The following TENT2 variants were observed in gnomAD, a reference collection of about 807,000 sequenced individuals.
TENT2 encodes terminal nucleotidyltransferase 2, also known as poly(A) RNA polymerase GLD2.
TENT2 carries 44 observed loss-of-function variants against 72.2 expected under a neutral mutation model. That is an observed-to-expected ratio of 0.61 (90% CI 0.48 to 0.78). The LOEUF is 0.78. TENT2 is among the 30% of genes least tolerant of loss of function. TENT2 has a pLI of 0.00. For missense variants in TENT2, 541 were observed against 569.6 expected (o/e 0.95, Z 0.51); for synonymous variants, 212 against 192.5 (o/e 1.10, Z -0.84).
At chr5:79,646,251 A>T (rs1189273598) in intron 8 of TENT2, among the ~76,000 whole-genome samples, 3 of 152,182 alleles carry the variant, frequency 2.0e-5, no homozygotes, top group Admixed American at 2.0e-4. Flanking sequence ...TCGCTCAGGC[A>T]TGAGTTATAG....
chr5:79,627,168 T>C (rs1770992745), intron 4 of TENT2, among the ~76,000 whole-genome samples: 1 of 152,008 alleles, frequency 6.6e-6, no homozygotes, highest in East Asian at 1.9e-4. Flanking sequence ...TTTTAAGGTA[T>C]GTATGCTGGT....
chr5:79,631,521 C>T (rs1272492470), intron 4 of TENT2, among the ~76,000 whole-genome samples: 2 of 152,162 alleles, frequency 1.3e-5, no homozygotes, highest in Non-Finnish European at 2.9e-5. Flanking sequence ...CATCAGCATA[C>T]AGATGGTAAT....
intron 11 of TENT2, among the ~76,000 whole-genome samples, chr5:79,667,454 T>A (rs1178073629): frequency 6.6e-6 from 1 of 152,196 alleles, no homozygotes; most frequent in Non-Finnish European, 1.5e-5. Flanking sequence ...CTGCATCTAT[T>A]CTTCCTTCTG....
chr5:79,624,645 T>C (rs536430945), intron 4 of TENT2, among the ~76,000 whole-genome samples: 1 of 152,336 alleles, frequency 6.6e-6, no homozygotes, highest in African/African-American at 2.4e-5. Context: ...TTTATATAAA[T>C]GAAATCATTC....
At chr5:79,680,198 G>T (rs1159069063) in intron 13 of TENT2, among the ~76,000 whole-genome samples, 3 of 152,154 alleles carry the variant, frequency 2.0e-5, no homozygotes, top group Non-Finnish European at 4.4e-5. Flanking sequence ...ATGCTAAATT[G>T]AAGGCCTTTG....
chr5:79,662,713 A>G (rs1804028131), intron 11 of TENT2, among the ~76,000 whole-genome samples: 2 of 152,158 alleles, frequency 1.3e-5, no homozygotes. Context: ...TTTTCCATTT[A>G]TAGAGCACTG....
rs2151042886 is a variant in TENT2 at position 79,685,513 on chromosome 5, T to G, written c.*240T>G. On this transcript the variant is annotated 3_prime_UTR_variant, in exon 15 of 15. Coordinates refer to ENST00000453514, the MANE Select transcript of TENT2 (RefSeq NM_001114394.3). ...ATGATGAGTAATATTGCATGTGTTT[T>G]CAGGTGATCAGATAAAATATATTTT... The G allele has an allele frequency of 3.3e-6, 1 of 299,288 alleles. No homozygotes were observed. Among genetic ancestry groups the G allele is most frequent in the East Asian group, 6.7e-5 (1 of 14,866 alleles). The allele number at this position is 299,288 out of a possible 1,614,324, so 18.5% of individuals were successfully genotyped here. A position where few individuals can be genotyped will look rare whatever the true frequency, so the allele number is the denominator to read the frequency against.
rs137865684 is a variant in TENT2, at chr5:79,637,628, T to C, written c.466-3223T>C. ...TTTTTGTAGAAGGGAGGTTTTGCCA[T>C]GTTACCAAGGCTTGTCTCGGATTCC... is the stretch of plus-strand genomic sequence containing the variant. On this transcript the variant is annotated intron_variant, in intron 4 of 14. Transcript: ENST00000453514. 2.4e-3 allele frequency among the ~76,000 whole-genome samples: 371 copies of C among 152,114 alleles called. 11 individuals are homozygous for C. In the East Asian group the frequency reaches 0.063, roughly 26 times the overall value.
intron 11 of TENT2, among the ~76,000 whole-genome samples, chr5:79,667,373 T>A (rs1809106178): frequency 6.6e-6 from 1 of 152,200 alleles, no homozygotes; most frequent in African/African-American, 2.4e-5. Flanking sequence ...TTAAATTTTA[T>A]AATTTTAAAT....
chr5:79,623,465 C>G lies in TENT2; in HGVS notation c.441C>G (p.Ile147Met). ...REIAFLEPRE[I>M]TLPEAKDKLS... is the part of the protein sequence containing the mutation. The stretch of plus-strand genomic sequence containing the variant: ...TTGCATTTTTAGAACCTAGAGAAAT[C>G]ACACTGCCTGAGGCCAAAGATAAGG... The change falls in exon 4 of 15, where the codon ATC becomes ATG. Residue 147 changes from isoleucine to methionine, a missense_variant. Physicochemically the swap from Ile to Met is conservative, Grantham distance 10. Coordinates refer to ENST00000453514, the MANE Select transcript of TENT2 (RefSeq NM_001114394.3). 6.2e-7 allele frequency: 1 copy of G among 1,608,944 alleles called. No homozygotes were observed. The highest frequency in any genetic ancestry group is 1.1e-5 in the South Asian group (1 of 90,382).
chr5:79,637,795 T>G (rs1321291152), intron 4 of TENT2, among the ~76,000 whole-genome samples: 1 of 145,912 alleles, frequency 6.9e-6, no homozygotes. Context: ...TTCTCCTCTT[T>G]TGCTTTTTTT....
At chr5:79,641,976 A>G (rs1784842669) in intron 6 of TENT2, among the ~76,000 whole-genome samples, 1 of 151,936 alleles carries the variant, frequency 6.6e-6, no homozygotes, top group Non-Finnish European at 1.5e-5. Flanking sequence ...TAGTATGTTT[A>G]CCTGAATTTC....
intron 12 of TENT2, among the ~76,000 whole-genome samples, chr5:79,675,743 T>C (rs1816778944): frequency 6.6e-6 from 1 of 152,212 alleles, no homozygotes; most frequent in South Asian, 2.1e-4. Context: ...TGGGATATAT[T>C]ACATTCAGTC....
intron 7 of TENT2, among the ~76,000 whole-genome samples, chr5:79,643,720 C>A (rs1197738252): frequency 6.6e-6 from 1 of 151,946 alleles, no homozygotes; most frequent in Admixed American, 6.6e-5. Flanking sequence ...ATAATTCATA[C>A]CTACTTGAAT....
chr5:79,619,805 G>A lies in TENT2; in HGVS notation c.137+20G>A, dbSNP rs1281553271. On this transcript the variant is annotated intron_variant, in intron 2 of 14. Transcript: ENST00000453514. ...TGCAGAGTGAGTATGGTGATATTTT[G>A]GCCCATGTTGTTGGTAAATTTCATT... 6.3e-7 allele frequency: 1 copy of A among 1,595,826 alleles called. No individual in the cohort carries two copies. The highest frequency in any genetic ancestry group is 2.2e-5 in the East Asian group (1 of 44,580).
At position 79,642,929 on chromosome 5, in the gene TENT2, A is replaced by C; in HGVS notation, c.751+19A>C. 6.2e-7 allele frequency: 1 copy of C among 1,606,636 alleles called. No individual in the cohort carries two copies. Among genetic ancestry groups the C allele is most frequent in the Non-Finnish European group, 8.5e-7 (1 of 1,177,270 alleles). On this transcript the variant is annotated intron_variant, in intron 7 of 14. Transcript: ENST00000453514. ...AGACTTTGTAAGTCTGACATGCCTC[A>C]AGTTTGTATGTCACCTGACGTAACT...
At chr5:79,632,316 A>AT (rs1561482913) in intron 4 of TENT2, among the ~76,000 whole-genome samples, 1 of 152,072 alleles carries the variant, frequency 6.6e-6, no homozygotes, top group Non-Finnish European at 1.5e-5. Context: ...CTGAGTTTAA[A>AT]TTTTTTCATG....
intron 10 of TENT2, among the ~76,000 whole-genome samples, chr5:79,652,261 T>C (rs1222188545): frequency 6.6e-6 from 1 of 151,850 alleles, no homozygotes; most frequent in Non-Finnish European, 1.5e-5. Flanking sequence ...AATTACGATA[T>C]ACCCTAATAT....
chr5:79,634,882 T>G (rs555905507), intron 4 of TENT2, among the ~76,000 whole-genome samples: 1 of 151,922 alleles, frequency 6.6e-6, no homozygotes. Flanking sequence ...GGGGTCTTAC[T>G]AAGTTACCCA....
Sources: allele counts gnomAD v4.1 joint callset (sites outside exome capture counted in the v4.1 genomes callset), GRCh38; gene constraint gnomAD v4.1.1; transcripts MANE v1.5; gene names NCBI Gene and HGNC (gene_info 2026-07-23, HGNC 2026-07-21).